LMO7: variants seen among roughly 807,000 people sequenced by gnomAD.
LMO7 encodes the protein LIM domain only protein 7.
Under a neutral mutation model 206.5 loss-of-function variants are expected in LMO7, and 120 were observed. That is an observed-to-expected ratio of 0.58 (90% CI 0.50 to 0.68). The LOEUF (loss-of-function observed/expected upper bound fraction) is 0.68. Ranked by LOEUF, LMO7 falls within the 30% of genes least tolerant of loss-of-function variation. The pLI is 0.00. For synonymous variants in LMO7, 706 were observed against 681.5 expected, an observed-to-expected ratio of 1.04 and a Z score of -0.56; for missense variants, 1,959 against 1,957.9, an observed-to-expected ratio of 1.00 and a Z score of -0.01.
intron 4 of LMO7, among the ~76,000 whole-genome samples, chr13:75,785,421 G>A (rs1463036502): frequency 6.6e-6 from 1 of 151,970 alleles, no homozygotes; most frequent in African/African-American, 2.4e-5. Flanking sequence ...AGGAGATAAT[G>A]TACAATACTC....
intron 25 of LMO7, among the ~76,000 whole-genome samples, chr13:75,844,387 T>C (rs2059805131): frequency 6.6e-6 from 1 of 150,714 alleles, no homozygotes; most frequent in Non-Finnish European, 1.5e-5. Flanking sequence ...TCATTACTAC[T>C]ATTATTTTCT....
At chr13:75,734,340 G>T (rs989586502) in intron 3 of LMO7, among the ~76,000 whole-genome samples, 1 of 152,122 alleles carries the variant, frequency 6.6e-6, no homozygotes, top group Admixed American at 6.5e-5. Context: ...TAAAATGTTA[G>T]AAATCCTTAA....
intron 1 of LMO7, among the ~76,000 whole-genome samples, chr13:75,673,451 A>T (rs981599982): frequency 1.3e-5 from 2 of 152,120 alleles, no homozygotes; most frequent in African/African-American, 4.8e-5. Flanking sequence ...ATAACCCTTT[A>T]ATCTTACCCT....
At chr13:75,760,300 G>A (rs1200755457) in intron 3 of LMO7, 2 of 942,472 alleles carry the variant, frequency 2.1e-6, no homozygotes, top group Non-Finnish European at 2.5e-6. Context: ...CTTGAGGCAG[G>A]TGCAGGGAGT....
intron 22 of LMO7, 94 bp from the exon 23 acceptor site, chr13:75,841,015 T>C (rs2059520060): frequency 1.3e-6 from 1 of 757,558 alleles, no homozygotes; most frequent in East Asian, 2.7e-5. Context: ...AGGTTTGAGG[T>C]TGAAGGTTTA....
At chr13:75,735,261 C>G (rs1003217300) in intron 3 of LMO7, among the ~76,000 whole-genome samples, 9 of 151,788 alleles carry the variant, frequency 5.9e-5, no homozygotes, top group Non-Finnish European at 1.0e-4. Context: ...CCACTCACCC[C>G]CTCTTCAGGA....
intron 1 of LMO7, among the ~76,000 whole-genome samples, chr13:75,703,336 A>G (rs932650182): frequency 5.9e-5 from 9 of 152,146 alleles, no homozygotes; most frequent in African/African-American, 1.9e-4. Context: ...TGCTCTTGGG[A>G]GTATGCAGTG....
chr13:75,735,722 C>T (rs2045758700), intron 3 of LMO7, among the ~76,000 whole-genome samples: 4 of 151,630 alleles, frequency 2.6e-5, no homozygotes, highest in Admixed American at 2.6e-4. Context: ...GATTTGCCCG[C>T]CTCGGCCTCC....
At chr13:75,658,805 G>A (rs558874059) in intron 1 of LMO7, among the ~76,000 whole-genome samples, 1 of 151,832 alleles carries the variant, frequency 6.6e-6, no homozygotes, top group South Asian at 2.1e-4. Context: ...TAGCCAGGAT[G>A]GTTTTAATCT....
In LMO7 at chr13:75,713,644, A is replaced by G. The variant is rs548273873; in HGVS notation, c.140+392A>G. Among the ~76,000 whole-genome samples the G allele has an allele frequency of 9.9e-5, 15 of 152,284 alleles. No individual in the cohort carries two copies. The South Asian group carries it at 2.7e-3, about 27-fold the overall frequency. Reference sequence around the variant, plus strand: ...AATACACAAAATCTTTGCTTCATCAATAAATCATGATGATTGGAGTGGTAG... The same window carrying G: ...AATACACAAAATCTTTGCTTCATCAGTAAATCATGATGATTGGAGTGGTAG... On this transcript the variant is annotated intron_variant, in intron 2 of 30. Transcript: ENST00000377534.
chr13:75,850,980 CAT>C (rs1249307650), intron 27 of LMO7, among the ~76,000 whole-genome samples: 1 of 152,144 alleles, frequency 6.6e-6, no homozygotes, highest in Non-Finnish European at 1.5e-5. Context: ...GGCCTCTCCA[CAT>C]AGTTTTTTGG....
upstream of LMO7, among the ~76,000 whole-genome samples, chr13:75,632,875 T>TTTTTTTC (rs1439470124): frequency 6.9e-6 from 1 of 145,604 alleles, no homozygotes; most frequent in Non-Finnish European, 1.5e-5. Context: ...TTTTTTTTTT[T>TTTTTTTC]TTTGTGATGG....
intron 3 of LMO7, among the ~76,000 whole-genome samples, chr13:75,730,165 C>G (rs1329657552): frequency 6.6e-6 from 1 of 152,090 alleles, no homozygotes; most frequent in South Asian, 2.1e-4. Context: ...GGAGGATTCC[C>G]TCTTTTTCTG....
In LMO7 at chr13:75,691,073, G is replaced by A. The variant is rs551412142; in HGVS notation, c.70-22109G>A. Among the ~76,000 whole-genome samples the A allele has an allele frequency of 2.7e-3, 413 of 152,194 alleles. 3 individuals carry two copies. Among genetic ancestry groups the A allele is most frequent in the African/African-American group, 9.5e-3 (395 of 41,538 alleles). ...CATATTTTACATGCAGTTAAAACTG[G>A]AGATTTAATTTTAGTAAATGAGAAG... is the stretch of plus-strand genomic sequence containing the variant. On this transcript the variant is annotated intron_variant, in intron 1 of 30. Transcript: ENST00000377534.
At chr13:75,687,470 A>G (rs776455989) in intron 1 of LMO7, among the ~76,000 whole-genome samples, 2 of 152,062 alleles carry the variant, frequency 1.3e-5, no homozygotes, top group East Asian at 1.9e-4. Flanking sequence ...CTGACTTTAT[A>G]CTTGTCTTCC....
chr13:75,622,937 A>G (rs1180023535), intron 1 of LMO7, among the ~76,000 whole-genome samples: 2 of 152,234 alleles, frequency 1.3e-5, no homozygotes, highest in Non-Finnish European at 2.9e-5. Flanking sequence ...CTATAAAATT[A>G]TTTTGTTGAA....
chr13:75,823,285 T>G (rs564749577), intron 14 of LMO7, among the ~76,000 whole-genome samples: 1 of 152,296 alleles, frequency 6.6e-6, no homozygotes, highest in Admixed American at 6.5e-5. Context: ...CCAGTTTAGA[T>G]TCAGTGGAAA....
At chr13:75,709,533 T>C (rs965192390) in intron 1 of LMO7, among the ~76,000 whole-genome samples, 7 of 152,204 alleles carry the variant, frequency 4.6e-5, no homozygotes, top group Non-Finnish European at 1.0e-4. Context: ...TTGATTTGCA[T>C]TTCTCTGATG....
At chr13:75,702,289 C>T (rs2042335241) in intron 1 of LMO7, among the ~76,000 whole-genome samples, 1 of 152,040 alleles carries the variant, frequency 6.6e-6, no homozygotes, top group Non-Finnish European at 1.5e-5. Context: ...TTGGCCTTCC[C>T]CAAGAGAAGG....
Sources: gnomAD v4.1 joint callset for allele counts (sites outside exome capture counted in the v4.1 genomes callset) on GRCh38, gnomAD v4.1.1 for gene constraint, MANE v1.5 for transcripts, NCBI Gene and HGNC (gene_info 2026-07-23, HGNC 2026-07-21) for gene names.